The following GRM7 variants were observed in gnomAD, a reference collection of about 807,000 sequenced individuals.
GRM7 encodes the protein metabotropic glutamate receptor 7.
GRM7 carries 35 observed loss-of-function variants against 84.5 expected under a neutral mutation model. The ratio of observed to expected loss-of-function variants is 0.41; its 90% confidence interval spans 0.32 to 0.55. The LOEUF (loss-of-function observed/expected upper bound fraction) is 0.55. Among genes scored for constraint, GRM7 ranks in the 20% least tolerant of loss-of-function variants. The probability of loss-of-function intolerance (pLI) is 0.19; values close to 1 mark genes in which losing one functional copy is unlikely to be tolerated. For synonymous variants in GRM7, 487 were observed against 455.1 expected (o/e 1.07, Z -0.89); for missense variants, 1,003 against 1,194.6 (o/e 0.84, Z 2.36).
chr3:7,253,200 T>C (rs1187042390), intron 2 of GRM7, among the ~76,000 whole-genome samples: 3 of 152,052 alleles, frequency 2.0e-5, no homozygotes, highest in Non-Finnish European at 4.4e-5. Flanking sequence ...CAACCCTTCG[T>C]CAACTTACAT....
intron 1 of GRM7, among the ~76,000 whole-genome samples, chr3:6,871,658 A>G (rs1350733850): frequency 6.6e-6 from 1 of 152,056 alleles, no homozygotes; most frequent in Non-Finnish European, 1.5e-5. Context: ...TATTGGTCCA[A>G]GCATGTACTT....
chr3:7,490,783 T>C (rs1294015292), intron 7 of GRM7, among the ~76,000 whole-genome samples: 1 of 152,162 alleles, frequency 6.6e-6, no homozygotes, highest in East Asian at 1.9e-4. Flanking sequence ...AGACTCAATA[T>C]ATCTTCCTGG....
chr3:7,482,133 A>G (rs1270993043), intron 7 of GRM7, among the ~76,000 whole-genome samples: 1 of 152,204 alleles, frequency 6.6e-6, no homozygotes, highest in Non-Finnish European at 1.5e-5. Flanking sequence ...GGTTGCAGTG[A>G]GCCGAGATGG....
intron 4 of GRM7, among the ~76,000 whole-genome samples, chr3:7,386,285 A>T (rs898004908): frequency 2.0e-5 from 3 of 152,190 alleles, no homozygotes; most frequent in Non-Finnish European, 2.9e-5. Context: ...TTTTTAAAAA[A>T]TTTTAGATTC....
At chr3:7,071,937 G>T (rs1019783871) in intron 1 of GRM7, among the ~76,000 whole-genome samples, 1 of 151,764 alleles carries the variant, frequency 6.6e-6, no homozygotes, top group Non-Finnish European at 1.5e-5. Flanking sequence ...TCAGAGAACG[G>T]TCTACCAAAA....
At chr3:7,500,900 C>T (rs538317354) in intron 7 of GRM7, among the ~76,000 whole-genome samples, 6 of 152,198 alleles carry the variant, frequency 3.9e-5, no homozygotes, top group Non-Finnish European at 7.3e-5. Context: ...ACTTCCGAAT[C>T]CAGATATCCC....
At chr3:7,006,146 G>A (rs966175304) in intron 1 of GRM7, among the ~76,000 whole-genome samples, 1 of 152,154 alleles carries the variant, frequency 6.6e-6, no homozygotes, top group Non-Finnish European at 1.5e-5. Context: ...CAAAGGAGTA[G>A]GACTTTCCAT....
At chr3:6,920,423 C>G (rs1292046062) in intron 1 of GRM7, among the ~76,000 whole-genome samples, 1 of 151,940 alleles carries the variant, frequency 6.6e-6, no homozygotes, top group African/African-American at 2.4e-5. Context: ...GGCATGGTGG[C>G]ATGCACAAGT....
intron 2 of GRM7, among the ~76,000 whole-genome samples, chr3:7,221,292 G>A (rs902110074): frequency 4.6e-5 from 7 of 152,134 alleles, no homozygotes; most frequent in Admixed American, 3.9e-4. Flanking sequence ...AAGATTTTTA[G>A]TGTAATTTTT....
At chr3:7,449,088 A>C (rs1411912683) in intron 5 of GRM7, among the ~76,000 whole-genome samples, 4 of 152,140 alleles carry the variant, frequency 2.6e-5, no homozygotes, top group Non-Finnish European at 5.9e-5. Flanking sequence ...GTTCACTCTA[A>C]AGTTCTTTTA....
chr3:7,143,820 G>C (rs1694025458), intron 1 of GRM7, among the ~76,000 whole-genome samples: 1 of 152,154 alleles, frequency 6.6e-6, no homozygotes, highest in African/African-American at 2.4e-5. Flanking sequence ...AGTTGAAATT[G>C]ATGGAAATGC....
intron 2 of GRM7, among the ~76,000 whole-genome samples, chr3:7,197,513 A>G (rs945435372): frequency 1.3e-5 from 2 of 152,146 alleles, no homozygotes; most frequent in African/African-American, 4.8e-5. Flanking sequence ...TTATCCTGAC[A>G]TGTTCCTAAT....
At chr3:7,163,346 A>C (rs548872412) in intron 2 of GRM7, among the ~76,000 whole-genome samples, 1 of 152,342 alleles carries the variant, frequency 6.6e-6, no homozygotes, top group East Asian at 1.9e-4. Flanking sequence ...TCCTGATACC[A>C]ATTCAATGGA....
intron 2 of GRM7, among the ~76,000 whole-genome samples, chr3:7,160,916 G>A (rs1694603384): frequency 6.6e-6 from 1 of 152,154 alleles, no homozygotes; most frequent in South Asian, 2.1e-4. Context: ...TTCGCTGCCA[G>A]TCCTTAGAAC....
chr3:7,418,771 T>C (rs1408018306), intron 5 of GRM7, among the ~76,000 whole-genome samples: 1 of 152,086 alleles, frequency 6.6e-6, no homozygotes, highest in Non-Finnish European at 1.5e-5. Context: ...CATCTTGGGG[T>C]CAGGAACATT....
chr3:7,440,387 T>C (rs968521109), intron 5 of GRM7, among the ~76,000 whole-genome samples: 11 of 152,204 alleles, frequency 7.2e-5, no homozygotes, highest in African/African-American at 2.4e-4. Flanking sequence ...AAAATAATGT[T>C]TCTCTTTGGG....
chr3:7,727,828 A>G (rs779636646), intron 9 of GRM7, among the ~76,000 whole-genome samples: 8 of 152,014 alleles, frequency 5.3e-5, no homozygotes, highest in Non-Finnish European at 7.4e-5. Flanking sequence ...CTAGGTCCCA[A>G]CCTTTCCATC....
At chr3:7,643,647 C>A (rs1843284) in intron 8 of GRM7, among the ~76,000 whole-genome samples, 131,902 of 151,806 alleles carry the variant, frequency 0.87, 57,464 homozygotes, top group African/African-American at 0.93. Context: ...ATGAGGCTAA[C>A]AACACCTACA....
chr3:6,937,030 A>G (rs1450562507), intron 1 of GRM7, among the ~76,000 whole-genome samples: 1 of 152,200 alleles, frequency 6.6e-6, no homozygotes, highest in African/African-American at 2.4e-5. Flanking sequence ...AATTTTGAAC[A>G]TATTATTTAG....
Sources: gnomAD v4.1 joint callset for allele counts (sites outside exome capture counted in the v4.1 genomes callset) on GRCh38, gnomAD v4.1.1 for gene constraint, MANE v1.5 for transcripts, NCBI Gene and HGNC (gene_info 2026-07-23, HGNC 2026-07-21) for gene names.